Variants in AK7 observed in about 807,000 individuals in gnomAD.
The protein encoded by AK7 is ATP-AMP transphosphorylase 7.
AK7 carries 78 observed loss-of-function variants against 96.6 expected under a neutral mutation model. The ratio of observed to expected loss-of-function variants is 0.81; its 90% CI spans 0.67 to 0.97. The LOEUF is 0.97. Ranked by LOEUF, AK7 falls within the 50% of genes least tolerant of loss-of-function variation. The pLI, the probability that AK7 is intolerant of heterozygous loss-of-function variation, is 0.00. For missense variants in AK7, 855 were observed against 887.9 expected (o/e 0.96, Z 0.47); for synonymous variants, 302 against 317.2 (o/e 0.95, Z 0.51).
chr14:96,399,712 C>T lies in AK7; in HGVS notation c.294+1449C>T, dbSNP rs537007821. 6.6e-6 allele frequency among the ~76,000 whole-genome samples: 1 copy of T among 152,320 alleles called. No homozygotes were observed. Among genetic ancestry groups the T allele is most frequent in the African/African-American group, 2.4e-5 (1 of 41,576 alleles). On this transcript the variant is annotated intron_variant, in intron 2 of 17. Coordinates refer to ENST00000267584, the MANE Select transcript of AK7 (RefSeq NM_152327.5). This position sits in a 1 kb window ranked among gnomAD's most constrained non-coding sequence, Gnocchi z 4.1. ...GCAGCCTGGCTTCCCGAGAGAAACT[C>T]GCCTTCCCTTCTTGTGCCTCGGCTC... is the stretch of plus-strand genomic sequence containing the variant.
chr14:96,454,670 T>C (rs1893793984), intron 10 of AK7, among the ~76,000 whole-genome samples: 2 of 151,602 alleles, frequency 1.3e-5, no homozygotes, highest in South Asian at 2.1e-4. Context: ...AAAATTTTTT[T>C]TTTTTTTTGT....
rs776780661 is a variant in AK7 at position 96,404,882 on chromosome 14, CTT to C, written c.403+20_403+21del. ...CAGTCTCTGGTCAGTGAGGTGTACT[CTT>C]TTATCTCCAGGGATGCTATTGTAGT... On this transcript the variant is annotated intron_variant, in intron 3 of 17. Transcript: ENST00000267584. 4 of 1,558,988 alleles carry C rather than the reference CTT, an allele frequency of 2.6e-6. No homozygotes were observed. In the South Asian group the frequency reaches 4.5e-5, roughly 18 times the overall value.
In AK7 at chr14:96,404,821, C is replaced by T. The variant is rs1335865492; in HGVS notation, c.359C>T (p.Thr120Ile). The T allele has an allele frequency of 6.2e-7, 1 of 1,610,666 alleles. No individual in the cohort carries two copies. The highest frequency in any genetic ancestry group is 1.7e-5 in the Admixed American group (1 of 59,980). The change falls in exon 3 of 18, where the codon ACT becomes ATT. Residue 120 changes from threonine (T) to isoleucine (I), a missense_variant. By Grantham distance (89) the Thr-to-Ile change is moderately conservative. Transcript: ENST00000267584. ...TGTGATGTTATTATTTATAACATCA[C>T]TGAGAGCTCACAGCAAATGGAGGAA... The part of the protein sequence containing the change: ...LECDVIIYNI[T>I]ESSQQMEEAI...
intron 12 of AK7, 108 bp from the exon 13 acceptor site, chr14:96,471,369 TC>T (rs1031610779): frequency 5.5e-6 from 3 of 549,224 alleles, no homozygotes; most frequent in African/African-American, 2.0e-5. Flanking sequence ...AATAGGGATT[TC>T]CAATAGTACC....
intron 5 of AK7, among the ~76,000 whole-genome samples, chr14:96,422,718 C>A (rs549122845): frequency 6.0e-4 from 91 of 152,304 alleles, no homozygotes; most frequent in Middle Eastern, 3.4e-3. Context: ...ATTCTGCATG[C>A]AATTTTGTAT....
At chr14:96,415,766 A>AATTAATTAAATTAATTTAATAC (rs1891303132) in intron 4 of AK7, among the ~76,000 whole-genome samples, 5 of 145,382 alleles carry the variant, frequency 3.4e-5, no homozygotes, top group South Asian at 4.2e-4. Flanking sequence ...TTAATACATT[A>AATTAATTAAATTAATTTAATAC]ATTAATTAAA....
At position 96,423,833 on chromosome 14, in the gene AK7, G is replaced by C. The variant is rs538015682; in HGVS notation, c.609+2901G>C. 15 of 786,324 alleles carry C rather than the reference G, an allele frequency of 1.9e-5. No homozygotes were observed. The African/African-American group carries it at 2.2e-4, about 12-fold the overall frequency. The allele number at this position is 786,324 out of a possible 1,614,324, so 48.7% of individuals were successfully genotyped here. A position where few individuals can be genotyped will look rare whatever the true frequency, so the allele number is the denominator to read the frequency against. ...CTTGAATTTGCCACGGTGGTCTCCGGAGCGGTTGCTGAGGATGGGCTCGTC... is the reference window on the plus strand; with the variant it reads ...CTTGAATTTGCCACGGTGGTCTCCGCAGCGGTTGCTGAGGATGGGCTCGTC... On this transcript the variant is annotated intron_variant, in intron 5 of 17. Coordinates refer to ENST00000267584, the MANE Select transcript of AK7 (RefSeq NM_152327.5).
At chr14:96,457,942 G>A (rs1446459417) in intron 11 of AK7, 141 bp from the exon 12 acceptor site, 2 of 1,135,800 alleles carry the variant, frequency 1.8e-6, no homozygotes, top group Non-Finnish European at 2.5e-6. Flanking sequence ...TGTGCATCCT[G>A]CAAAATTTTG....
At chr14:96,473,050 C>A (rs1358283251) in intron 14 of AK7, among the ~76,000 whole-genome samples, 4 of 152,150 alleles carry the variant, frequency 2.6e-5, no homozygotes, top group Non-Finnish European at 5.9e-5. Flanking sequence ...CCACTGCACT[C>A]CAGCCTGGGC....
chr14:96,456,484 T>TTA lies in AK7; in HGVS notation c.1227+10_1227+11dup. 1 of 1,612,136 alleles carries TTA rather than the reference T, an allele frequency of 6.2e-7. No homozygotes were observed. The highest frequency in any genetic ancestry group is 8.5e-7 in the Non-Finnish European group (1 of 1,178,682). ...AAGCCATAGCAAAACTGGTAACACT[T>TTA]TAAACTATTTTCCTGGGCATTTTAA... On this transcript the variant is annotated intron_variant, in intron 11 of 17. Transcript: ENST00000267584.
chr14:96,484,982 G>GT (rs1269364531), intron 16 of AK7, among the ~76,000 whole-genome samples: 1 of 152,170 alleles, frequency 6.6e-6, no homozygotes, highest in East Asian at 1.9e-4. Flanking sequence ...ACATCTTTGG[G>GT]TGCCTGATTA....
In AK7 at chr14:96,471,489, G is replaced by A. The variant is rs368611874; in HGVS notation, c.1369G>A (p.Asp457Asn). 2.2e-5 allele frequency: 32 copies of A among 1,456,704 alleles called. No homozygotes were observed. Among genetic ancestry groups the A allele is most frequent in the African/African-American group, 5.7e-5 (4 of 70,058 alleles). 90.2% of individuals were successfully genotyped at this position (1,456,704 alleles called of 1,614,324 possible). A position where few individuals can be genotyped will look rare whatever the true frequency, so the allele number is the denominator to read the frequency against. The change falls in exon 13 of 18, where the codon GAT becomes AAT. Residue 457 changes from aspartate (D) to asparagine (N), a missense_variant. Transcript: ENST00000267584. ...TGTTTTTTTATCAGGTCAACTAGACGATCAATATATAATTAGATTTATGAA... is the reference window on the plus strand; with the variant it reads ...TGTTTTTTTATCAGGTCAACTAGACAATCAATATATAATTAGATTTATGAA... ...SMEQNAGQLDDQYIIRFMKEK... is the reference protein window; with the variant it reads ...SMEQNAGQLDNQYIIRFMKEK...
intron 1 of AK7, among the ~76,000 whole-genome samples, chr14:96,396,618 TTTA>T (rs1194227616): frequency 6.6e-6 from 1 of 152,222 alleles, no homozygotes; most frequent in African/African-American, 2.4e-5. Flanking sequence ...TTTATTTGGT[TTTA>T]TTATATCTTT....
chr14:96,415,678 A>C (rs1046214766), intron 4 of AK7, among the ~76,000 whole-genome samples: 13 of 151,326 alleles, frequency 8.6e-5, no homozygotes, highest in Middle Eastern at 3.4e-3. Flanking sequence ...ACTGCACAAA[A>C]ATCAGTTTTG....
chr14:96,401,593 CAAAGGTGGCAGA>C (rs1482374263), intron 2 of AK7, among the ~76,000 whole-genome samples: 1 of 152,102 alleles, frequency 6.6e-6, no homozygotes, highest in Non-Finnish European at 1.5e-5. Flanking sequence ...AGGGAAGACA[CAAAGGTGGCAGA>C]AAAGGTGGGG....
At chr14:96,419,252 T>C (rs1891529332) in intron 4 of AK7, among the ~76,000 whole-genome samples, 1 of 152,048 alleles carries the variant, frequency 6.6e-6, no homozygotes, top group African/African-American at 2.4e-5. Flanking sequence ...GCACATGCAA[T>C]GTCCTTTTTA....
chr14:96,442,883 AC>A, intron 7 of AK7, 65 bp downstream of exon 7: 2 of 1,456,336 alleles, frequency 1.4e-6, no homozygotes, highest in Non-Finnish European at 9.6e-7. Context: ...GTAGCCTAAT[AC>A]TTTTTGAGCA....
chr14:96,456,599 C>T, intron 11 of AK7, 124 bp downstream of exon 11: 1 of 1,172,880 alleles, frequency 8.5e-7, no homozygotes. Flanking sequence ...ATTTTGTTGG[C>T]AACATCCAAG....
Position 96,404,873 on chromosome 14 carries a change from A to C in AK7, c.403+8A>C. On this transcript the variant is annotated splice_region_variant and intron_variant, in intron 3 of 17. Transcript: ENST00000267584. ...CCATCTGGGCAGTCTCTGGTCAGTG[A>C]GGTGTACTCTTTTATCTCCAGGGAT... The C allele has an allele frequency of 6.3e-7, 1 of 1,587,762 alleles. No individual in the cohort carries two copies. Among genetic ancestry groups the C allele is most frequent in the Non-Finnish European group, 8.6e-7 (1 of 1,158,308 alleles).
Sources: allele counts gnomAD v4.1 joint callset (sites outside exome capture counted in the v4.1 genomes callset), GRCh38; gene constraint gnomAD v4.1.1; non-coding constraint Gnocchi (gnomAD v3.1); transcripts MANE v1.5; gene names NCBI Gene and HGNC (gene_info 2026-07-23, HGNC 2026-07-21).